Variants in VIT observed in about 807,000 individuals in gnomAD.
VIT encodes vitrin.
VIT carries 99 observed loss-of-function variants against 78.0 expected under a neutral mutation model. The ratio of observed to expected loss-of-function variants is 1.27; its 90% CI spans 1.08 to 1.50. VIT has a LOEUF of 1.50. VIT is among the 40% of genes most tolerant of loss of function. The probability of loss-of-function intolerance (pLI) is 0.00; values close to 1 mark genes in which losing one functional copy is unlikely to be tolerated. For missense variants in VIT, 1,126 were observed against 875.3 expected, an observed-to-expected ratio of 1.29 and a Z score of -3.61; for synonymous variants, 374 against 334.3, an observed-to-expected ratio of 1.12 and a Z score of -1.29.
chr2:36,763,417 A>C (rs1282071727), intron 6 of VIT, among the ~76,000 whole-genome samples: 1 of 152,198 alleles, frequency 6.6e-6, no homozygotes, highest in Non-Finnish European at 1.5e-5. Context: ...TCAAAACTTT[A>C]TGTAGCTGAG....
intron 2 of VIT, among the ~76,000 whole-genome samples, chr2:36,719,400 T>G (rs1666354495): frequency 2.0e-5 from 3 of 152,194 alleles, no homozygotes; most frequent in Non-Finnish European, 4.4e-5. Context: ...AAATTTCCTC[T>G]GCAGATAACA....
intron 1 of VIT, among the ~76,000 whole-genome samples, chr2:36,698,420 G>C (rs1218668995): frequency 6.6e-6 from 1 of 152,176 alleles, no homozygotes; most frequent in Non-Finnish European, 1.5e-5. Context: ...ATTGAATACA[G>C]GAAAGCAGTA....
At chr2:36,716,307 A>T in intron 1 of VIT, 46 bp from the exon 2 acceptor site, 1 of 1,552,126 alleles carries the variant, frequency 6.4e-7, no homozygotes, top group Non-Finnish European at 8.9e-7. Flanking sequence ...TCCAAATCAG[A>T]ACCCCCGGCT....
intron 2 of VIT, 25 bp from the exon 3 acceptor site, chr2:36,729,401 A>T: frequency 6.3e-7 from 1 of 1,576,298 alleles, no homozygotes; most frequent in Non-Finnish European, 8.6e-7. Context: ...AATTGATTAA[A>T]TTTTTAAAAA....
At chr2:36,776,931 CA>C (rs1670092852) in intron 9 of VIT, among the ~76,000 whole-genome samples, 1 of 147,606 alleles carries the variant, frequency 6.8e-6, no homozygotes, top group Non-Finnish European at 1.5e-5. Context: ...CTACTAAAAA[CA>C]CAAAAAATTA....
chr2:36,798,361 G>A (rs193227247), intron 12 of VIT, among the ~76,000 whole-genome samples: 3 of 152,324 alleles, frequency 2.0e-5, no homozygotes, highest in East Asian at 3.9e-4. Context: ...GGGAATAAAA[G>A]CGAATGAATG....
intron 6 of VIT, among the ~76,000 whole-genome samples, chr2:36,765,119 T>G (rs1669341570): frequency 6.6e-6 from 1 of 152,116 alleles, no homozygotes; most frequent in African/African-American, 2.4e-5. Context: ...CTAATGTGAT[T>G]AAATTAAGGA....
At chr2:36,732,997 G>A (rs1246099711) in intron 3 of VIT, among the ~76,000 whole-genome samples, 3 of 152,050 alleles carry the variant, frequency 2.0e-5, no homozygotes, top group Non-Finnish European at 4.4e-5. Context: ...GAGAATAGAA[G>A]GTGAATGTGT....
chr2:36,755,239 A>G (rs928146838), intron 5 of VIT, among the ~76,000 whole-genome samples, 185 bp downstream of exon 5: 1 of 152,234 alleles, frequency 6.6e-6, no homozygotes, highest in Admixed American at 6.5e-5. Context: ...CCACAAAGTC[A>G]TATCTGAAAA....
chr2:36,774,014 A>T (rs900285376), intron 8 of VIT, among the ~76,000 whole-genome samples, 167 bp downstream of exon 8: 3 of 152,182 alleles, frequency 2.0e-5, no homozygotes, highest in Non-Finnish European at 2.9e-5. Flanking sequence ...AAAACATGTA[A>T]AGAAGTGGTT....
chr2:36,787,837 G>T (rs933362252), intron 12 of VIT: 2 of 455,952 alleles, frequency 4.4e-6, no homozygotes, highest in Admixed American at 2.4e-5. Flanking sequence ...GAGAAGAATG[G>T]GTGGGAAGAG....
At chr2:36,781,919 A>G in intron 10 of VIT, 148 bp downstream of exon 10, 1 of 944,806 alleles carries the variant, frequency 1.1e-6, no homozygotes, top group Non-Finnish European at 1.6e-6. Context: ...TAAGGGTCCT[A>G]CAAAGGGCAC....
chr2:36,791,513 G>T (rs913593068), intron 12 of VIT, among the ~76,000 whole-genome samples: 2 of 152,208 alleles, frequency 1.3e-5, no homozygotes, highest in Non-Finnish European at 2.9e-5. Context: ...CTCTGAGATG[G>T]GGGGGTTCTC....
chr2:36,763,005 G>A lies in VIT; in HGVS notation c.487+3959G>A, dbSNP rs552965056. Among the ~76,000 whole-genome samples, 4 of 148,464 alleles carry A rather than the reference G, an allele frequency of 2.7e-5. No homozygotes were observed. In the South Asian group the frequency reaches 6.5e-4, roughly 24 times the overall value. The stretch of plus-strand genomic sequence containing the variant: ...AAAAACAGGGAAGTGTTGCTTTGTA[G>A]AAGTTTTTTTAAAAAAAACTAGGAA... On this transcript the variant is annotated intron_variant, in intron 6 of 15. Transcript: ENST00000379242.
At chr2:36,801,861 C>A (rs1666357050) in intron 13 of VIT, among the ~76,000 whole-genome samples, 1 of 152,004 alleles carries the variant, frequency 6.6e-6, no homozygotes, top group South Asian at 2.1e-4. Context: ...GGGCAAGAAT[C>A]TTTAACACAC....
In VIT at chr2:36,793,809, C is replaced by A. The variant is rs1406047441; in HGVS notation, c.1058+6533C>A. 2.0e-5 allele frequency among the ~76,000 whole-genome samples: 3 copies of A among 152,170 alleles called. No homozygotes were observed. The East Asian group carries it at 5.8e-4, about 29-fold the overall frequency. ...CATTTGAGAGGCTCATTCTGTGTGA[C>A]TCAGAGTGTCATGGGGTAAACCAGT... On this transcript the variant is annotated intron_variant, in intron 12 of 15. Transcript: ENST00000379242.
At chr2:36,710,277 A>T (rs1236563022) in intron 1 of VIT, among the ~76,000 whole-genome samples, 1 of 152,174 alleles carries the variant, frequency 6.6e-6, no homozygotes, top group African/African-American at 2.4e-5. Flanking sequence ...GTAAAGATTT[A>T]AATAGGACAA....
At chr2:36,794,358 T>C (rs11683271) in intron 12 of VIT, among the ~76,000 whole-genome samples, 2,453 of 152,306 alleles carry the variant, frequency 0.016, 32 homozygotes, top group Non-Finnish European at 0.025. Flanking sequence ...TTGCATTTAA[T>C]AAGAACCTGT....
At chr2:36,724,318 T>C (rs974585994) in intron 2 of VIT, among the ~76,000 whole-genome samples, 2 of 152,188 alleles carry the variant, frequency 1.3e-5, no homozygotes, top group African/African-American at 4.8e-5. Flanking sequence ...GACTTAACTC[T>C]CTTCAAGTTT....
Sources: gnomAD v4.1 joint callset for allele counts (sites outside exome capture counted in the v4.1 genomes callset) on GRCh38, gnomAD v4.1.1 for gene constraint, MANE v1.5 for transcripts, NCBI Gene and HGNC (gene_info 2026-07-23, HGNC 2026-07-21) for gene names.